The following CACNA1C variants were observed in gnomAD, a reference collection of about 807,000 sequenced individuals.
The protein encoded by CACNA1C is calcium voltage-gated channel subunit alpha1 C, also known as voltage-dependent L-type calcium channel subunit alpha-1C.
Under a neutral mutation model 229.0 loss-of-function variants are expected in CACNA1C, and 30 were observed. That is an observed-to-expected ratio of 0.13 (90% confidence interval 0.10 to 0.18). The LOEUF is 0.18. Ranked by LOEUF, CACNA1C falls within the 10% of genes least tolerant of loss-of-function variation. The probability of loss-of-function intolerance (pLI) is 1.00; values close to 1 mark genes in which losing one functional copy is unlikely to be tolerated. For missense variants in CACNA1C, 1,658 were observed against 2,845.0 expected (o/e 0.58, Z 9.49); for synonymous variants, 1,114 against 1,132.5 (o/e 0.98, Z 0.33).
intron 8 of CACNA1C, among the ~76,000 whole-genome samples, chr12:2,505,476 A>G (rs1184799866): frequency 1.3e-5 from 2 of 152,040 alleles, no homozygotes; most frequent in African/African-American, 2.4e-5. Context: ...ACATCTACCT[A>G]ATTTCAGCCC....
intron 9 of CACNA1C, among the ~76,000 whole-genome samples, chr12:2,522,135 C>T (rs895290982): frequency 1.3e-5 from 2 of 152,348 alleles, no homozygotes; most frequent in South Asian, 2.1e-4. Flanking sequence ...TCGAAGAGCA[C>T]GTCTTGGCTC....
chr12:2,280,233 T>A (rs547739996), intron 3 of CACNA1C, among the ~76,000 whole-genome samples: 1 of 111,592 alleles, frequency 9.0e-6, no homozygotes, highest in South Asian at 3.5e-4. Flanking sequence ...CGGTTTAACC[T>A]CTTGAGACCT....
At chr12:2,041,374 T>G (rs2050069380) in intron 1 of CACNA1C, among the ~76,000 whole-genome samples, 1 of 148,122 alleles carries the variant, frequency 6.8e-6, no homozygotes, top group Admixed American at 6.9e-5. Flanking sequence ...CCTCCCAGGT[T>G]CATGCCATTC....
chr12:2,233,763 T>C (rs2066227575), intron 3 of CACNA1C, among the ~76,000 whole-genome samples: 1 of 152,204 alleles, frequency 6.6e-6, no homozygotes, highest in Non-Finnish European at 1.5e-5. Flanking sequence ...CAATACTCTC[T>C]GGTCAGTGCT....
intron 30 of CACNA1C, 116 bp from the exon 31 acceptor site, chr12:2,648,359 G>A (rs1449084103): frequency 2.1e-6 from 2 of 953,938 alleles, no homozygotes; most frequent in African/African-American, 1.6e-5. Context: ...TCTTTCACTT[G>A]TTTCCTTTTG....
chr12:2,041,121 A>G (rs1010088118), intron 1 of CACNA1C, among the ~76,000 whole-genome samples: 6 of 152,186 alleles, frequency 3.9e-5, no homozygotes, highest in African/African-American at 1.4e-4. Context: ...AGAAATAGGC[A>G]GTGAAGTCCT....
chr12:2,528,621 A>C (rs2099832696), intron 9 of CACNA1C, among the ~76,000 whole-genome samples: 1 of 152,194 alleles, frequency 6.6e-6, no homozygotes, highest in South Asian at 2.1e-4. Context: ...ACGGAGACAC[A>C]AGTTTTGCAG....
intron 3 of CACNA1C, among the ~76,000 whole-genome samples, chr12:2,429,393 CAG>C (rs1413289083): frequency 6.6e-6 from 1 of 152,160 alleles, no homozygotes; most frequent in Non-Finnish European, 1.5e-5. Context: ...CCTCGGCTAA[CAG>C]AGAGAATTCT....
intron 2 of CACNA1C, among the ~76,000 whole-genome samples, chr12:2,118,763 A>G (rs7314367): frequency 0.024 from 3,597 of 152,258 alleles, 132 homozygotes; most frequent in African/African-American, 0.081. Context: ...GGGCAGCAGA[A>G]TGTAAAAGCT....
intron 1 of CACNA1C, among the ~76,000 whole-genome samples, chr12:2,045,983 T>C (rs902984183): frequency 6.6e-6 from 1 of 151,244 alleles, no homozygotes; most frequent in Non-Finnish European, 1.5e-5. Flanking sequence ...GGAGGCAAGG[T>C]GACCATGGAG....
At chr12:2,404,945 C>T (rs2098719788) in intron 3 of CACNA1C, among the ~76,000 whole-genome samples, 1 of 152,144 alleles carries the variant, frequency 6.6e-6, no homozygotes, top group South Asian at 2.1e-4. Flanking sequence ...GTGCACAGGA[C>T]ATAGTAGATC....
chr12:2,157,646 C>T (rs1268132735), intron 3 of CACNA1C, among the ~76,000 whole-genome samples: 1 of 152,236 alleles, frequency 6.6e-6, no homozygotes. Flanking sequence ...TAGAGCAAAG[C>T]CTAGTGCATC....
intron 10 of CACNA1C, among the ~76,000 whole-genome samples, chr12:2,552,273 G>GCT (rs1292453148): frequency 3.9e-5 from 6 of 152,334 alleles, no homozygotes; most frequent in African/African-American, 1.4e-4. Flanking sequence ...TCGTGCTGGA[G>GCT]CTCACAGTCT....
intron 1 of CACNA1C, among the ~76,000 whole-genome samples, chr12:2,068,398 G>C (rs75017325): frequency 1.3e-5 from 2 of 152,184 alleles, no homozygotes; most frequent in African/African-American, 4.8e-5. Flanking sequence ...GCAGAGAGGC[G>C]GTGGCTGCAA....
At position 2,547,315 on chromosome 12, in the gene CACNA1C, A is replaced by T. The variant is rs1193220706; in HGVS notation, c.1391-2628A>T. On this transcript the variant is annotated intron_variant, in intron 9 of 46. Transcript: ENST00000399655. ...TTGATTTATTGAATTTTTTTTGTTT[A>T]TTTTCTGTGATAAAAATGGATGTTC... 7 of 626,716 alleles carry T rather than the reference A, an allele frequency of 1.1e-5. No individual in the cohort carries two copies. In the Admixed American group the frequency reaches 1.4e-4, roughly 12 times the overall value. The allele number at this position is 626,716 out of a possible 1,614,324, so 38.8% of individuals were successfully genotyped here.
intron 11 of CACNA1C, among the ~76,000 whole-genome samples, chr12:2,558,322 T>TC (rs2045625098): frequency 6.6e-6 from 1 of 152,104 alleles, no homozygotes; most frequent in South Asian, 2.1e-4. Context: ...CTGAGGTCCA[T>TC]CTGGTTAGGG....
intron 3 of CACNA1C, among the ~76,000 whole-genome samples, chr12:2,289,144 A>C (rs2093141624): frequency 6.6e-6 from 1 of 152,198 alleles, no homozygotes; most frequent in Admixed American, 6.5e-5. Context: ...AGCTTCCTGA[A>C]AAATGCTGGG....
At chr12:2,246,742 G>A (rs2073444392) in intron 3 of CACNA1C, among the ~76,000 whole-genome samples, 1 of 152,172 alleles carries the variant, frequency 6.6e-6, no homozygotes, top group Admixed American at 6.5e-5. Flanking sequence ...TCCCAGCAAG[G>A]AAGCTTTTCT....
intron 3 of CACNA1C, among the ~76,000 whole-genome samples, chr12:2,179,881 C>T (rs1245982007): frequency 6.6e-6 from 1 of 152,214 alleles, no homozygotes; most frequent in African/African-American, 2.4e-5. Flanking sequence ...GATTGATCTC[C>T]CAAGAATCAG....
Sources: gnomAD v4.1 joint callset for allele counts (sites outside exome capture counted in the v4.1 genomes callset) on GRCh38, gnomAD v4.1.1 for gene constraint, MANE v1.5 for transcripts, NCBI Gene and HGNC (gene_info 2026-07-23, HGNC 2026-07-21) for gene names.